The following ARID1B variants were observed in gnomAD, a reference collection of about 807,000 sequenced individuals.
ARID1B encodes the protein AT-rich interactive domain-containing protein 1B.
A neutral mutation model predicts 212.3 loss-of-function variants in ARID1B; 30 were observed. That is an observed-to-expected ratio of 0.14 (90% CI 0.11 to 0.19). The LOEUF is 0.19. ARID1B is among the 10% of genes least tolerant of loss of function. The probability of loss-of-function intolerance (pLI) is 1.00; values close to 1 mark genes in which losing one functional copy is unlikely to be tolerated. For synonymous variants in ARID1B, 1,402 were observed against 1,301.7 expected, an observed-to-expected ratio of 1.08 and a Z score of -1.66; for missense variants, 2,891 against 3,204.0, an observed-to-expected ratio of 0.90 and a Z score of 2.36.
chr6:157,137,840 C>A (rs1022977069), intron 7 of ARID1B, among the ~76,000 whole-genome samples: 7 of 152,248 alleles, frequency 4.6e-5, no homozygotes, highest in Admixed American at 3.3e-4. Flanking sequence ...AGAGGACTTA[C>A]AAGTAGGTGT....
chr6:156,849,381 A>G (rs1784431794), intron 2 of ARID1B, among the ~76,000 whole-genome samples: 1 of 152,232 alleles, frequency 6.6e-6, no homozygotes, highest in Non-Finnish European at 1.5e-5. Flanking sequence ...AAACATTGGT[A>G]AGGAATTTGG....
chr6:156,872,274 A>G (rs1314018724), intron 2 of ARID1B, among the ~76,000 whole-genome samples: 1 of 151,976 alleles, frequency 6.6e-6, no homozygotes, highest in Non-Finnish European at 1.5e-5. Flanking sequence ...TCCTTCCTCC[A>G]TTTCATCTGT....
At chr6:156,969,280 T>C (rs894357707) in intron 4 of ARID1B, among the ~76,000 whole-genome samples, 6 of 152,338 alleles carry the variant, frequency 3.9e-5, no homozygotes, top group South Asian at 2.1e-4. Flanking sequence ...AAATATTCCA[T>C]ATGAATGCAA....
chr6:157,021,588 A>C (rs1780269913), intron 4 of ARID1B, among the ~76,000 whole-genome samples: 1 of 152,102 alleles, frequency 6.6e-6, no homozygotes, highest in African/African-American at 2.4e-5. Context: ...CCTCAGCCTG[A>C]CTGAACAGGC....
intron 8 of ARID1B, among the ~76,000 whole-genome samples, chr6:157,159,949 C>G (rs961789129): frequency 6.6e-6 from 1 of 152,168 alleles, no homozygotes; most frequent in African/African-American, 2.4e-5. Flanking sequence ...TCTTCTTTGC[C>G]CATTCTTAAA....
chr6:157,008,250 A>ACCAT (rs1779362597), intron 4 of ARID1B, among the ~76,000 whole-genome samples: 2 of 152,148 alleles, frequency 1.3e-5, no homozygotes, highest in South Asian at 4.1e-4. Context: ...AGCCGTCACC[A>ACCAT]CCATCCATCC....
intron 3 of ARID1B, among the ~76,000 whole-genome samples, chr6:156,929,061 C>A (rs1791485259): frequency 6.6e-6 from 1 of 152,128 alleles, no homozygotes; most frequent in African/African-American, 2.4e-5. Flanking sequence ...CAGCCTAGTG[C>A]TCATAAGCTA....
chr6:157,079,772 A>G lies in ARID1B; in HGVS notation c.2248-4890A>G, dbSNP rs532428357. 3.9e-5 allele frequency among the ~76,000 whole-genome samples: 6 copies of G among 152,328 alleles called. No homozygotes were observed. The South Asian group carries it at 1.2e-3, about 32-fold the overall frequency. ...ATTTAGTGATATTTACCGATGAACAATCATATCCATTTTGTCTTTAGCACC... is the reference window on the plus strand; with the variant it reads ...ATTTAGTGATATTTACCGATGAACAGTCATATCCATTTTGTCTTTAGCACC... On this transcript the variant is annotated intron_variant, in intron 4 of 19. Transcript: ENST00000636930.
At chr6:157,073,399 T>G (rs1784107657) in intron 4 of ARID1B, among the ~76,000 whole-genome samples, 1 of 151,958 alleles carries the variant, frequency 6.6e-6, no homozygotes, top group Admixed American at 6.6e-5. Context: ...CCACCGCGCC[T>G]GGCCCTATGC....
chr6:156,951,148 C>T (rs936479111), intron 4 of ARID1B, among the ~76,000 whole-genome samples: 5 of 152,030 alleles, frequency 3.3e-5, no homozygotes, highest in Admixed American at 6.6e-5. Context: ...CTGAAAGAGT[C>T]CTGGTGTGAC....
At chr6:156,896,404 C>T (rs944395205) in intron 2 of ARID1B, among the ~76,000 whole-genome samples, 30 of 150,782 alleles carry the variant, frequency 2.0e-4, no homozygotes, top group Non-Finnish European at 3.5e-4. Flanking sequence ...TGATGAAACC[C>T]ATCTCTACTA....
chr6:156,921,669 A>G (rs1016998284), intron 3 of ARID1B, among the ~76,000 whole-genome samples: 4 of 152,188 alleles, frequency 2.6e-5, no homozygotes, highest in African/African-American at 9.7e-5. Context: ...GGGAAGAGAT[A>G]ATTTAGTAGA....
At chr6:157,157,691 C>G (rs1410735964) in intron 8 of ARID1B, among the ~76,000 whole-genome samples, 2 of 152,168 alleles carry the variant, frequency 1.3e-5, no homozygotes, top group Non-Finnish European at 2.9e-5. Flanking sequence ...GGTCTTCATT[C>G]TTATTTTGAA....
At chr6:157,183,847 T>C (rs747377383) in intron 12 of ARID1B, among the ~76,000 whole-genome samples, 1 of 152,234 alleles carries the variant, frequency 6.6e-6, no homozygotes, top group Admixed American at 6.5e-5. Context: ...GGCCCACTTC[T>C]GAGGGCTTGC....
chr6:156,871,657 G>T, intron 2 of ARID1B: 1 of 1,612,132 alleles, frequency 6.2e-7, no homozygotes, highest in African/African-American at 1.3e-5. Flanking sequence ...TGGTTGGCAA[G>T]TATCTTCTTA....
chr6:156,944,566 A>G (rs532290294), intron 4 of ARID1B, among the ~76,000 whole-genome samples: 4 of 152,302 alleles, frequency 2.6e-5, no homozygotes, highest in African/African-American at 9.6e-5. Context: ...AATAAATGAA[A>G]AAGCTGCAGG....
chr6:157,195,894 C>G (rs1057499414), intron 15 of ARID1B: 1 of 363,202 alleles, frequency 2.8e-6, no homozygotes, highest in Non-Finnish European at 5.0e-6. Context: ...AACCCTGTCT[C>G]TACTAAAAAT....
At chr6:157,029,911 T>C (rs937782910) in intron 4 of ARID1B, among the ~76,000 whole-genome samples, 2 of 152,224 alleles carry the variant, frequency 1.3e-5, no homozygotes, top group Non-Finnish European at 2.9e-5. Context: ...AGCAATTGGC[T>C]GCGTGGATGC....
intron 2 of ARID1B, among the ~76,000 whole-genome samples, chr6:156,892,625 A>C (rs1411732383): frequency 6.6e-6 from 1 of 152,220 alleles, no homozygotes; most frequent in Non-Finnish European, 1.5e-5. Flanking sequence ...CGTCTAGGAT[A>C]CCACTATCCT....
Sources: allele counts gnomAD v4.1 joint callset (sites outside exome capture counted in the v4.1 genomes callset), GRCh38; gene constraint gnomAD v4.1.1; transcripts MANE v1.5; gene names NCBI Gene and HGNC (gene_info 2026-07-23, HGNC 2026-07-21).